Variants in MRTFA observed in about 807,000 individuals in gnomAD.
The protein encoded by MRTFA is myocardin related transcription factor A.
A neutral mutation model predicts 83.5 loss-of-function variants in MRTFA; 20 were observed. The observed-to-expected ratio is 0.24, with a 90% confidence interval of 0.17 to 0.35. The LOEUF (loss-of-function observed/expected upper bound fraction) is 0.35. Among genes scored for constraint, MRTFA ranks in the 10% least tolerant of loss-of-function variants. The probability of loss-of-function intolerance (pLI) is 1.00; values close to 1 mark genes in which losing one functional copy is unlikely to be tolerated. For missense variants in MRTFA, 1,200 were observed against 1,224.7 expected (o/e 0.98, Z 0.30); for synonymous variants, 659 against 541.2 (o/e 1.22, Z -3.02).
intron 8 of MRTFA, 146 bp downstream of exon 8, chr22:40,424,060 G>A (rs2052900541): frequency 1.1e-6 from 1 of 917,372 alleles, no homozygotes; most frequent in Admixed American, 2.9e-5. Context: ...GGGAGCTCAA[G>A]CAGCCAGCAC....
At chr22:40,611,043 T>C (rs1301069934) in intron 1 of MRTFA, among the ~76,000 whole-genome samples, 1 of 151,448 alleles carries the variant, frequency 6.6e-6, no homozygotes, top group Non-Finnish European at 1.5e-5. Context: ...GCTCAAGTGA[T>C]TTTCCGGCCT....
intron 2 of MRTFA, among the ~76,000 whole-genome samples, chr22:40,567,096 A>C (rs1404448963): frequency 6.6e-6 from 1 of 152,234 alleles, no homozygotes; most frequent in Non-Finnish European, 1.5e-5. Flanking sequence ...TCTTATAAGA[A>C]GGTACTCTGA....
intron 3 of MRTFA, among the ~76,000 whole-genome samples, chr22:40,498,217 A>G (rs967296304): frequency 7.0e-6 from 1 of 142,012 alleles, no homozygotes; most frequent in African/African-American, 2.6e-5. Flanking sequence ...AAATGTCAGC[A>G]TGCTTCTATT....
At chr22:40,437,928 T>C (rs1457538677) in intron 4 of MRTFA, among the ~76,000 whole-genome samples, 1 of 152,172 alleles carries the variant, frequency 6.6e-6, no homozygotes, top group Non-Finnish European at 1.5e-5. Context: ...GCACACAGTA[T>C]ACCCTCAATA....
intron 3 of MRTFA, among the ~76,000 whole-genome samples, chr22:40,524,481 G>A (rs1434884931): frequency 6.6e-6 from 1 of 152,174 alleles, no homozygotes; most frequent in Non-Finnish European, 1.5e-5. Flanking sequence ...ACAGGAAGGA[G>A]CCACAGCTCT....
chr22:40,505,814 TCTAGAA>T (rs1367738259), intron 3 of MRTFA, among the ~76,000 whole-genome samples: 2 of 152,196 alleles, frequency 1.3e-5, no homozygotes, highest in African/African-American at 4.8e-5. Context: ...CTTCTCAGCC[TCTAGAA>T]CTATGAGAGA....
At chr22:40,532,172 C>G (rs1221170765) in intron 3 of MRTFA, among the ~76,000 whole-genome samples, 1 of 152,192 alleles carries the variant, frequency 6.6e-6, no homozygotes, top group African/African-American at 2.4e-5. Context: ...AAGTATGTCC[C>G]TTTCCCTCTC....
At chr22:40,603,742 GT>G (rs1198851320) in intron 1 of MRTFA, among the ~76,000 whole-genome samples, 1 of 150,082 alleles carries the variant, frequency 6.7e-6, no homozygotes, top group East Asian at 1.9e-4. Flanking sequence ...AACAAGATTG[GT>G]CACATGTTGA....
At chr22:40,451,834 C>T (rs2053492483) in intron 4 of MRTFA, among the ~76,000 whole-genome samples, 1 of 152,082 alleles carries the variant, frequency 6.6e-6, no homozygotes, top group Non-Finnish European at 1.5e-5. Flanking sequence ...AAGTGCAAAC[C>T]AATTTTTTTA....
intron 4 of MRTFA, among the ~76,000 whole-genome samples, chr22:40,459,862 T>TATAC (rs796103400): frequency 9.7e-4 from 118 of 121,484 alleles, no homozygotes; most frequent in African/African-American, 1.7e-3. Context: ...TATATATATA[T>TATAC]ACACACATGA....
chr22:40,538,985 CTTTTGTTTTTTT>C (rs1424148807), intron 3 of MRTFA, among the ~76,000 whole-genome samples: 5 of 106,888 alleles, frequency 4.7e-5, no homozygotes, highest in Non-Finnish European at 1.8e-5. Context: ...GATACACAGC[CTTTTGTTTTTTT>C]TTTTTTTTTT....
At chr22:40,565,943 G>T (rs767420054) in intron 2 of MRTFA, among the ~76,000 whole-genome samples, 1 of 152,126 alleles carries the variant, frequency 6.6e-6, no homozygotes, top group Non-Finnish European at 1.5e-5. Context: ...TTTTACAGTT[G>T]AGGAAACTGA....
chr22:40,410,800 T>TATGTC lies in MRTFA; in HGVS notation c.*585_*589dup, dbSNP rs1240393040. 4.3e-6 allele frequency: 1 copy of TATGTC among 232,320 alleles called. No homozygotes were observed. The highest frequency in any genetic ancestry group is 8.5e-6 in the Non-Finnish European group (1 of 117,676). 14.4% of individuals were successfully genotyped at this position (232,320 alleles called of 1,614,324 possible). A position where few individuals can be genotyped will look rare whatever the true frequency, so the allele number is the denominator to read the frequency against. The stretch of plus-strand genomic sequence containing the variant: ...CCGCCCCCCCCCAAAAATATATATG[T>TATGTC]ATGTCGATATATAATATAGAGGTAT... On this transcript the variant is annotated 3_prime_UTR_variant, in exon 15 of 15. Transcript: ENST00000355630.
At chr22:40,499,254 A>G (rs180884549) in intron 3 of MRTFA, among the ~76,000 whole-genome samples, 79 of 152,338 alleles carry the variant, frequency 5.2e-4, no homozygotes, top group African/African-American at 1.8e-3. Context: ...ATTAAATAAA[A>G]TCTATCACCC....
chr22:40,422,956 C>CGA (rs2052872718), intron 9 of MRTFA, among the ~76,000 whole-genome samples: 1 of 152,146 alleles, frequency 6.6e-6, no homozygotes, highest in Non-Finnish European at 1.5e-5. Flanking sequence ...CTGGGGTCCC[C>CGA]GAGATCCTGG....
At chr22:40,512,559 ACTG>A (rs2054685491) in intron 3 of MRTFA, among the ~76,000 whole-genome samples, 2 of 152,194 alleles carry the variant, frequency 1.3e-5, no homozygotes, top group Non-Finnish European at 2.9e-5. Context: ...CATGAGAACC[ACTG>A]TGGGAATGAG....
At chr22:40,580,575 T>G (rs1226811457) in intron 2 of MRTFA, among the ~76,000 whole-genome samples, 1 of 152,218 alleles carries the variant, frequency 6.6e-6, no homozygotes, top group Non-Finnish European at 1.5e-5. Flanking sequence ...TATAACAATT[T>G]ATGACATACT....
intron 3 of MRTFA, among the ~76,000 whole-genome samples, chr22:40,549,002 TAAAAC>T (rs535821414): frequency 1.4e-4 from 21 of 152,280 alleles, no homozygotes; most frequent in African/African-American, 3.6e-4. Context: ...ATTGAAGAGA[TAAAAC>T]AAAGTAATGG....
chr22:40,501,974 G>A (rs1330123267), intron 3 of MRTFA, among the ~76,000 whole-genome samples: 6 of 127,670 alleles, frequency 4.7e-5, no homozygotes, highest in African/African-American at 1.9e-4. Flanking sequence ...GGCTGGCCGG[G>A]CGGGGGGCTG....
Sources: gnomAD v4.1 joint callset for allele counts (sites outside exome capture counted in the v4.1 genomes callset) on GRCh38, gnomAD v4.1.1 for gene constraint, MANE v1.5 for transcripts, NCBI Gene and HGNC (gene_info 2026-07-23, HGNC 2026-07-21) for gene names.